Variants in RB1CC1 observed in about 807,000 individuals in gnomAD.
RB1CC1 encodes RB1-inducible coiled-coil protein 1.
Under a neutral mutation model 177.5 loss-of-function variants are expected in RB1CC1, and 46 were observed. The ratio of observed to expected loss-of-function variants is 0.26; its 90% CI spans 0.20 to 0.33. The LOEUF is 0.33. Ranked by LOEUF, RB1CC1 falls within the 10% of genes least tolerant of loss-of-function variation. RB1CC1 has a pLI of 1.00. For synonymous variants in RB1CC1, 666 were observed against 613.6 expected (o/e 1.09, Z -1.26); for missense variants, 1,703 against 1,816.3 (o/e 0.94, Z 1.13).
intron 18 of RB1CC1, 143 bp from the exon 19 acceptor site, chr8:52,636,212 C>T: frequency 2.3e-6 from 2 of 883,626 alleles, no homozygotes; most frequent in Non-Finnish European, 3.3e-6. Context: ...TTTCAGTTAG[C>T]ATGTAATTTC....
chr8:52,632,483 G>A (rs575634652), intron 20 of RB1CC1, among the ~76,000 whole-genome samples: 3 of 152,274 alleles, frequency 2.0e-5, no homozygotes, highest in East Asian at 1.9e-4. Context: ...GTGAAGATAA[G>A]ATTGACCATC....
intron 4 of RB1CC1, 53 bp downstream of exon 4, chr8:52,683,833 CA>C (rs1853999524): frequency 1.9e-6 from 3 of 1,596,860 alleles, no homozygotes; most frequent in East Asian, 4.5e-5. Context: ...ACTGAGTTCC[CA>C]ATGTGATGTA....
At chr8:52,665,780 T>C (rs1852016997) in intron 8 of RB1CC1, among the ~76,000 whole-genome samples, 1 of 152,038 alleles carries the variant, frequency 6.6e-6, no homozygotes, top group South Asian at 2.1e-4. Context: ...AGAGAGAAAT[T>C]AGGTGACTAG....
chr8:52,667,538 TCTTA>T (rs1319341534), intron 8 of RB1CC1, among the ~76,000 whole-genome samples: 8 of 152,294 alleles, frequency 5.3e-5, no homozygotes, highest in South Asian at 2.1e-4. Context: ...CATTTACCAC[TCTTA>T]CTTAGCCATT....
At chr8:52,652,740 T>C (rs1590975276) in intron 15 of RB1CC1, among the ~76,000 whole-genome samples, 1 of 152,066 alleles carries the variant, frequency 6.6e-6, no homozygotes, top group African/African-American at 2.4e-5. Context: ...AATGCTAAAA[T>C]TTTTACTATC....
chr8:52,676,437 A>G lies in RB1CC1; in HGVS notation c.504T>C (p.Leu168=), dbSNP rs1853132724. 1 of 1,613,228 alleles carries G rather than the reference A, an allele frequency of 6.2e-7. No homozygotes were observed. The highest frequency in any genetic ancestry group is 1.7e-5 in the Admixed American group (1 of 59,896). ...EDCSNSYQKL[L]FKFESIYSNY... ...TTGAATAAATACTTTCAAACTTGAA[A>G]AGTAGCTTTTGGTATGAATTTGAAC... The change falls in exon 6 of 24, where the codon CTT becomes CTC. Residue 168 remains leucine (L), a synonymous_variant. Coordinates refer to ENST00000025008, the MANE Select transcript of RB1CC1 (RefSeq NM_014781.5).
At position 52,674,193 on chromosome 8, in the gene RB1CC1, T is replaced by C. The variant is rs1852866482; in HGVS notation, c.654A>G (p.Gly218=). 1.9e-6 allele frequency: 3 copies of C among 1,612,698 alleles called. No homozygotes were observed. Among genetic ancestry groups the C allele is most frequent in the Non-Finnish European group, 2.5e-6 (3 of 1,178,682 alleles). The change falls in exon 7 of 24, where the codon GGA becomes GGG. Residue 218 remains glycine, a synonymous_variant. Coordinates refer to ENST00000025008, the MANE Select transcript of RB1CC1 (RefSeq NM_014781.5). ...CATGTTCAGGTAAAGAATCCAGTCT[T>C]CCCAAACATTCTCTGTAACTATGTC... The part of the protein sequence containing the change: ...LTRHSYRECL[G]RLDSLPEHED...
chr8:52,674,317 C>G, intron 6 of RB1CC1, 43 bp from the exon 7 acceptor site: 1 of 1,475,580 alleles, frequency 6.8e-7, no homozygotes, highest in Non-Finnish European at 9.4e-7. Flanking sequence ...TGAGACTGCT[C>G]TAATTAGGAA....
chr8:52,632,534 T>A (rs901071142), intron 20 of RB1CC1, among the ~76,000 whole-genome samples: 1 of 152,194 alleles, frequency 6.6e-6, no homozygotes, highest in African/African-American at 2.4e-5. Flanking sequence ...TTTAAAAGCT[T>A]AAGTTTTTTA....
At chr8:52,671,092 C>T (rs1338357307) in intron 7 of RB1CC1, among the ~76,000 whole-genome samples, 1 of 152,142 alleles carries the variant, frequency 6.6e-6, no homozygotes, top group African/African-American at 2.4e-5. Flanking sequence ...AAACTAGCAT[C>T]TCTTAATCCA....
In RB1CC1 at chr8:52,623,880, G is replaced by T. The variant is rs370909498; in HGVS notation, c.4708-21C>A. On this transcript the variant is annotated intron_variant, in intron 23 of 23. Transcript: ENST00000025008. ...TGTGCCTAAGAGGGAAAGAAAAAATGGAATCACTAGAGTGATTAAACCACA... is the reference window on the plus strand; with the variant it reads ...TGTGCCTAAGAGGGAAAGAAAAAATTGAATCACTAGAGTGATTAAACCACA... The T allele has an allele frequency of 7.3e-6, 11 of 1,516,216 alleles. No individual in the cohort carries two copies. In the African/African-American group the frequency reaches 1.4e-4, roughly 19 times the overall value. 93.9% of individuals were successfully genotyped at this position (1,516,216 alleles called of 1,614,324 possible).
At chr8:52,690,860 G>A (rs564484290) in intron 1 of RB1CC1, among the ~76,000 whole-genome samples, 19 of 151,988 alleles carry the variant, frequency 1.3e-4, no homozygotes, top group Non-Finnish European at 2.5e-4. Context: ...CTCCACATAC[G>A]TATACACACA....
At chr8:52,678,042 C>G (rs113642920) in intron 5 of RB1CC1, among the ~76,000 whole-genome samples, 26 of 152,142 alleles carry the variant, frequency 1.7e-4, no homozygotes, top group East Asian at 7.7e-4. Context: ...AAAATAAGTT[C>G]AACTGTAGCA....
chr8:52,641,992 C>T (rs981429407), intron 18 of RB1CC1, among the ~76,000 whole-genome samples: 1 of 152,080 alleles, frequency 6.6e-6, no homozygotes, highest in African/African-American at 2.4e-5. Flanking sequence ...AAACCCTTCC[C>T]TGCTTTTCCT....
intron 1 of RB1CC1, 46 bp from the exon 2 acceptor site, chr8:52,687,013 G>T (rs148013272): frequency 4.4e-6 from 2 of 452,424 alleles, no homozygotes; most frequent in Non-Finnish European, 8.9e-6. Context: ...AATTCAGTAC[G>T]AAACAACATA....
intron 12 of RB1CC1, among the ~76,000 whole-genome samples, chr8:52,660,373 T>A (rs563688208): frequency 6.6e-6 from 1 of 152,228 alleles, no homozygotes; most frequent in Non-Finnish European, 1.5e-5. Context: ...CAGTGCAGTA[T>A]AAGGTATCTT....
At chr8:52,669,710 C>A (rs1852385169) in intron 7 of RB1CC1, among the ~76,000 whole-genome samples, 1 of 152,026 alleles carries the variant, frequency 6.6e-6, no homozygotes. Context: ...ATTTCTACAC[C>A]AGAGTACTAT....
chr8:52,641,649 A>G (rs933549906), intron 18 of RB1CC1, among the ~76,000 whole-genome samples: 8 of 152,150 alleles, frequency 5.3e-5, no homozygotes, highest in South Asian at 2.1e-4. Flanking sequence ...ATGGGGGTGT[A>G]GTGTTCACTG....
intron 22 of RB1CC1, among the ~76,000 whole-genome samples, chr8:52,627,245 G>A (rs1294892162): frequency 6.6e-6 from 1 of 152,122 alleles, no homozygotes. Flanking sequence ...TACTCGGGAA[G>A]CTGAGGCAGG....
Sources: gnomAD v4.1 joint callset for allele counts (sites outside exome capture counted in the v4.1 genomes callset) on GRCh38, gnomAD v4.1.1 for gene constraint, MANE v1.5 for transcripts, NCBI Gene and HGNC (gene_info 2026-07-23, HGNC 2026-07-21) for gene names.